The following CCR8 variants were observed in gnomAD, a reference collection of about 807,000 sequenced individuals.
CCR8 encodes C-C chemokine receptor type 8.
For missense variants in CCR8, 358 were observed against 417.5 expected (o/e 0.86, Z 1.24); for synonymous variants, 156 against 165.7 (o/e 0.94, Z 0.45).
intron 1 of CCR8, among the ~76,000 whole-genome samples, chr3:39,331,688 G>T (rs114883983): frequency 0.011 from 1,714 of 150,962 alleles, 30 homozygotes; most frequent in African/African-American, 0.04. Context: ...GGCTTGTCTC[G>T]AACTCCTGGC....
At position 39,332,825 on chromosome 3, in the gene CCR8, C is replaced by G; in HGVS notation, c.494C>G (p.Thr165Ser). 1 of 1,613,496 alleles carries G rather than the reference C, an allele frequency of 6.2e-7. No homozygotes were observed. Among genetic ancestry groups the G allele is most frequent in the Non-Finnish European group, 8.5e-7 (1 of 1,179,948 alleles). ...GTATGGCTAACCGCCATTATGGCTA[C>G]CATCCCATTGCTAGTGTTTTACCAA... ...LAVWLTAIMA[T>S]IPLLVFYQVA... The change falls in exon 2 of 2, where the codon ACC becomes AGC. Residue 165 changes from threonine (T) to serine (S), a missense_variant. By Grantham distance (58) the Thr-to-Ser change is moderately conservative (BLOSUM62 1). Transcript: ENST00000326306.
chr3:39,333,179 A>T lies in CCR8; in HGVS notation c.848A>T (p.His283Leu). Residue 283 changes from histidine to leucine, a missense_variant, in exon 2 of 2, where the codon CAT becomes CTT. Coordinates refer to ENST00000326306, the MANE Select transcript of CCR8 (RefSeq NM_005201.4). ...SISQQLTYAT[H>L]VTEIISFTHC... ...AGCCAACAGCTGACTTATGCCACCC[A>T]TGTCACAGAAATCATTTCCTTTACT... 1 of 1,614,104 alleles carries T rather than the reference A, an allele frequency of 6.2e-7. No individual in the cohort carries two copies. The highest frequency in any genetic ancestry group is 1.1e-5 in the South Asian group (1 of 91,088).
At chr3:39,331,173 C>A (rs1254203999) in intron 1 of CCR8, among the ~76,000 whole-genome samples, 1 of 152,184 alleles carries the variant, frequency 6.6e-6, no homozygotes, top group Non-Finnish European at 1.5e-5. Flanking sequence ...TGGCTTTTCT[C>A]ATCTCAGCTG....
Position 39,332,337 on chromosome 3 carries a change from T to TTA in CCR8, c.9_10dup (p.Thr4IlefsTer7). ...GACCAGGTCCCGCTGCCTTGATGGA[T>TTA]TATACACTTGACCTCAGTGTGACAA... On this transcript the variant is annotated frameshift_variant, in exon 2 of 2. Transcript: ENST00000326306. LOFTEE classifies it low-confidence loss of function (END_TRUNC). 1 of 1,608,970 alleles carries TTA rather than the reference T, an allele frequency of 6.2e-7. No individual in the cohort carries two copies. Among genetic ancestry groups the TTA allele is most frequent in the Non-Finnish European group, 8.5e-7 (1 of 1,175,436 alleles).
rs548561937 is a variant in CCR8, at chr3:39,332,250, C to T, written c.-14-68C>T. 2.5e-5 allele frequency: 23 copies of T among 911,582 alleles called. No homozygotes were observed. The African/African-American group carries it at 3.1e-4, about 12-fold the overall frequency. 56.5% of individuals were successfully genotyped at this position (911,582 alleles called of 1,614,324 possible). A position where few individuals can be genotyped will look rare whatever the true frequency, so the allele number is the denominator to read the frequency against. On this transcript the variant is annotated intron_variant, in intron 1 of 1. Coordinates refer to ENST00000326306, the MANE Select transcript of CCR8 (RefSeq NM_005201.4). ...GAGGACACAGTTCAGTCCATAACATCCCCCTAATTTTTAAAAAATAAAAAT... is the reference window on the plus strand; with the variant it reads ...GAGGACACAGTTCAGTCCATAACATTCCCCTAATTTTTAAAAAATAAAAAT...
chr3:39,332,978 T>A lies in CCR8; in HGVS notation c.647T>A (p.Phe216Tyr), dbSNP rs2041268748. 6.2e-7 allele frequency: 1 copy of A among 1,614,090 alleles called. No homozygotes were observed. Among genetic ancestry groups the A allele is most frequent in the Non-Finnish European group, 8.5e-7 (1 of 1,180,038 alleles). The change falls in exon 2 of 2, where the codon TTC (phenylalanine) becomes TAC (tyrosine). Residue 216 changes from phenylalanine (F) to tyrosine (Y), a missense_variant. Phe to Tyr is a conservative substitution (Grantham distance 22). Transcript: ENST00000326306. ...TTGATCCCATTCACCATCTTTATGT[T>A]CTGCTACATTAAAATCCTGCACCAG... ...GLLIPFTIFM[F>Y]CYIKILHQLK...
At position 39,333,610 on chromosome 3, in the gene CCR8, T is replaced by C. The variant is rs544668169; in HGVS notation, c.*211T>C. The stretch of plus-strand genomic sequence containing the variant: ...CTGTGATTGTGTTTATTGATGATGT[T>C]GAACAAGTGGTAACTTTAAAGGATT... On this transcript the variant is annotated 3_prime_UTR_variant, in exon 2 of 2. Coordinates refer to ENST00000326306, the MANE Select transcript of CCR8 (RefSeq NM_005201.4). 1 of 564,210 alleles carries C rather than the reference T, an allele frequency of 1.8e-6. No individual in the cohort carries two copies. Among genetic ancestry groups the C allele is most frequent in the African/African-American group, 1.9e-5 (1 of 52,872 alleles). The allele number at this position is 564,210 out of a possible 1,614,324, so 35.0% of individuals were successfully genotyped here. A position where few individuals can be genotyped will look rare whatever the true frequency, so the allele number is the denominator to read the frequency against.
At chr3:39,330,050 C>T (rs547477853) in intron 1 of CCR8, among the ~76,000 whole-genome samples, 3 of 152,260 alleles carry the variant, frequency 2.0e-5, no homozygotes, top group East Asian at 3.9e-4. Flanking sequence ...GCCATATTCT[C>T]TGCAGGCCTT....
In CCR8 at chr3:39,332,816, T is replaced by G; in HGVS notation, c.485T>G (p.Ile162Ser). 6.2e-7 allele frequency: 1 copy of G among 1,614,190 alleles called. No individual in the cohort carries two copies. The highest frequency in any genetic ancestry group is 8.5e-7 in the Non-Finnish European group (1 of 1,180,008). ...TLCLAVWLTAIMATIPLLVFY... is the reference protein window; with the variant it reads ...TLCLAVWLTASMATIPLLVFY... ...TGCCTGGCAGTATGGCTAACCGCCA[T>G]TATGGCTACCATCCCATTGCTAGTG... The change falls in exon 2 of 2, where the codon ATT (isoleucine) becomes AGT (serine). Residue 162 changes from isoleucine (I) to serine (S), a missense_variant. Coordinates refer to ENST00000326306, the MANE Select transcript of CCR8 (RefSeq NM_005201.4).
intron 1 of CCR8, 80 bp from the exon 2 acceptor site, chr3:39,332,238 A>G: frequency 1.2e-6 from 1 of 800,362 alleles, no homozygotes; most frequent in African/African-American, 1.7e-5. Context: ...GACACAGTTC[A>G]GTCCATAACA....
chr3:39,333,089 C>T lies in CCR8; in HGVS notation c.758C>T (p.Pro253Leu), dbSNP rs1452566393. 5 of 1,613,992 alleles carry T rather than the reference C, an allele frequency of 3.1e-6. No individual in the cohort carries two copies. Among genetic ancestry groups the T allele is most frequent in the Non-Finnish European group, 4.2e-6 (5 of 1,180,030 alleles). ...ATTGCATCTTTACTTTTCTGGGTCC[C>T]ATTCAACGTGGTTCTTTTCCTCACT... ...VVIASLLFWV[P>L]FNVVLFLTSL... The change falls in exon 2 of 2, where the codon CCA (proline) becomes CTA (leucine). Residue 253 changes from proline to leucine, a missense_variant. Coordinates refer to ENST00000326306, the MANE Select transcript of CCR8 (RefSeq NM_005201.4).
At chr3:39,331,877 T>C (rs1676050597) in intron 1 of CCR8, among the ~76,000 whole-genome samples, 1 of 143,042 alleles carries the variant, frequency 7.0e-6, no homozygotes, top group Non-Finnish European at 1.5e-5. Flanking sequence ...TGGAGTGCAG[T>C]GGTGTGATCT....
rs775872835 is a variant in CCR8 at position 39,333,361 on chromosome 3, C to T, written c.1030C>T (p.His344Tyr). 12 of 1,613,774 alleles carry T rather than the reference C, an allele frequency of 7.4e-6. No homozygotes were observed. In the African/African-American group the frequency reaches 1.2e-4, roughly 16 times the overall value. The part of the protein sequence containing the change: ...SCEKSSSCQQ[H>Y]SSRSSSVDYI... The stretch of plus-strand genomic sequence containing the variant: ...TGAAAAGTCATCATCCTGCCAGCAG[C>T]ACTCCTCCCGTTCCTCCAGCGTAGA... Residue 344 changes from histidine (H) to tyrosine (Y), a missense_variant, in exon 2 of 2, where the codon CAC (histidine) becomes TAC (tyrosine). Transcript: ENST00000326306.
Position 39,333,271 on chromosome 3 carries a change from A to G in CCR8, c.940A>G (p.Ile314Val), listed in dbSNP as rs1208192351. ...GAAGTTCAAGAAACACCTCTCAGAA[A>G]TATTTCAGAAAAGTTGCAGCCAAAT... The part of the protein sequence containing the change: ...GEKFKKHLSE[I>V]FQKSCSQIFN... The change falls in exon 2 of 2, where the codon ATA (isoleucine) becomes GTA (valine). Residue 314 changes from isoleucine to valine, a missense_variant. Physicochemically the swap from Ile to Val is conservative, Grantham distance 29 (BLOSUM62 3). Coordinates refer to ENST00000326306, the MANE Select transcript of CCR8 (RefSeq NM_005201.4). 9 of 1,614,022 alleles carry G rather than the reference A, an allele frequency of 5.6e-6. No homozygotes were observed. The highest frequency in any genetic ancestry group is 7.6e-6 in the Non-Finnish European group (9 of 1,180,006).
At position 39,333,096 on chromosome 3, in the gene CCR8, C is replaced by A. The variant is rs756643134; in HGVS notation, c.765C>A (p.Asn255Lys). The part of the protein sequence containing the change: ...IASLLFWVPF[N>K]VVLFLTSLHS... ...CTTTACTTTTCTGGGTCCCATTCAA[C>A]GTGGTTCTTTTCCTCACTTCCTTGC... The change falls in exon 2 of 2, where the codon AAC becomes AAA. Residue 255 changes from asparagine to lysine, a missense_variant. Physicochemically the swap from Asn to Lys is moderately conservative, Grantham distance 94. Transcript: ENST00000326306. 2 of 1,614,092 alleles carry A rather than the reference C, an allele frequency of 1.2e-6. No individual in the cohort carries two copies. Among genetic ancestry groups the A allele is most frequent in the Non-Finnish European group, 1.7e-6 (2 of 1,180,008 alleles).
chr3:39,332,786 C>A lies in CCR8; in HGVS notation c.455C>A (p.Thr152Lys). Residue 152 changes from threonine (T) to lysine (K), a missense_variant, in exon 2 of 2, where the codon ACG (threonine) becomes AAG (lysine). Coordinates refer to ENST00000326306, the MANE Select transcript of CCR8 (RefSeq NM_005201.4). ...GTGAGGACGATCAGGATGGGCACAA[C>A]GCTGTGCCTGGCAGTATGGCTAACC... ...LKVRTIRMGT[T>K]LCLAVWLTAI... 1 of 1,614,142 alleles carries A rather than the reference C, an allele frequency of 6.2e-7. No homozygotes were observed. The highest frequency in any genetic ancestry group is 8.5e-7 in the Non-Finnish European group (1 of 1,180,010).
intron 1 of CCR8, among the ~76,000 whole-genome samples, chr3:39,332,019 C>A (rs1171359510): frequency 6.6e-6 from 1 of 151,824 alleles, no homozygotes; most frequent in Non-Finnish European, 1.5e-5. Context: ...CGGGGTTTCG[C>A]CATGTTGGCA....
In CCR8 at chr3:39,332,935, A is replaced by G. The variant is rs146308053; in HGVS notation, c.604A>G (p.Met202Val). ...GTGGAAGATCTTCACCAACTTCAAA[A>G]TGAACATTTTAGGCTTGTTGATCCC... ...LKWKIFTNFK[M>V]NILGLLIPFT... The change falls in exon 2 of 2, where the codon ATG becomes GTG. Residue 202 changes from methionine to valine, a missense_variant. Met to Val is a conservative substitution (Grantham distance 21). Transcript: ENST00000326306. 6.2e-7 allele frequency: 1 copy of G among 1,614,114 alleles called. No individual in the cohort carries two copies. The highest frequency in any genetic ancestry group is 1.1e-5 in the South Asian group (1 of 91,084).
chr3:39,332,770 A>C lies in CCR8; in HGVS notation c.439A>C (p.Ile147Leu), dbSNP rs2125555615. The C allele has an allele frequency of 6.2e-7, 1 of 1,614,172 alleles. No individual in the cohort carries two copies. Among genetic ancestry groups the C allele is most frequent in the Middle Eastern group, 1.6e-4 (1 of 6,062 alleles). Residue 147 changes from isoleucine (I) to leucine (L), a missense_variant, in exon 2 of 2, where the codon ATC becomes CTC. Coordinates refer to ENST00000326306, the MANE Select transcript of CCR8 (RefSeq NM_005201.4). ...HAVYALKVRTIRMGTTLCLAV... is the reference protein window; with the variant it reads ...HAVYALKVRTLRMGTTLCLAV... ...CGTGTATGCCCTAAAGGTGAGGACG[A>C]TCAGGATGGGCACAACGCTGTGCCT...
Sources: gnomAD v4.1 joint callset for allele counts (sites outside exome capture counted in the v4.1 genomes callset) on GRCh38, gnomAD v4.1.1 for gene constraint, MANE v1.5 for transcripts, NCBI Gene and HGNC (gene_info 2026-07-23, HGNC 2026-07-21) for gene names.